Variants in OSBPL9 observed in about 807,000 individuals in gnomAD.
OSBPL9 encodes the protein oxysterol-binding protein-related protein 9.
In OSBPL9, 40 loss-of-function variants were observed where a neutral mutation model predicts 106.6. The ratio of observed to expected loss-of-function variants is 0.38; its 90% CI spans 0.29 to 0.49. The LOEUF is 0.49. OSBPL9 is among the 20% of genes least tolerant of loss of function. OSBPL9 has a pLI of 0.97. For synonymous variants in OSBPL9, 269 were observed against 295.4 expected (o/e 0.91, Z 0.92); for missense variants, 609 against 887.2 (o/e 0.69, Z 3.98).
intron 9 of OSBPL9, chr1:51,759,376 T>G (rs1354147416): frequency 3.3e-5 from 5 of 152,142 alleles, no homozygotes; most frequent in Non-Finnish European, 7.4e-5. Context: ...GGAAAAAAAT[T>G]TTTAACTTAG....
chr1:51,557,238 G>C, the OSBPL9 span, among the ~76,000 whole-genome samples: 1 of 152,158 alleles, frequency 6.6e-6, no homozygotes, highest in Non-Finnish European at 1.5e-5. Context: ...CCAAGAGAAA[G>C]ACAAGTGATA....
intron 1 of OSBPL9, among the ~76,000 whole-genome samples, chr1:51,579,425 A>G (rs1645206484): frequency 6.6e-6 from 1 of 152,236 alleles, no homozygotes; most frequent in African/African-American, 2.4e-5. Context: ...AGCCTCAGAC[A>G]GATTAGATCC....
intron 4 of OSBPL9, among the ~76,000 whole-genome samples, chr1:51,737,434 G>T (rs1458184915): frequency 2.0e-5 from 3 of 151,916 alleles, no homozygotes; most frequent in Non-Finnish European, 4.4e-5. Flanking sequence ...ACATGAATGT[G>T]TAAAATAAAA....
At chr1:51,633,528 C>T (rs1356377414) in intron 1 of OSBPL9, among the ~76,000 whole-genome samples, 1 of 151,730 alleles carries the variant, frequency 6.6e-6, no homozygotes, top group Admixed American at 6.6e-5. Flanking sequence ...GAAGTAGAGG[C>T]TGCAGTGAGC....
At chr1:51,585,175 T>TAA (rs11381242) in intron 1 of OSBPL9, among the ~76,000 whole-genome samples, 1,985 of 140,996 alleles carry the variant, frequency 0.014, 148 homozygotes, top group Admixed American at 0.12. Context: ...CCCCATCTCT[T>TAA]AAAAAAAAAA....
intron 12 of OSBPL9, among the ~76,000 whole-genome samples, chr1:51,770,381 G>C (rs1351312483): frequency 6.6e-6 from 1 of 152,046 alleles, no homozygotes; most frequent in East Asian, 1.9e-4. Context: ...CACCTCAAGT[G>C]ATCTGCCCAC....
chr1:51,713,985 T>C lies in OSBPL9; in HGVS notation c.242-18T>C. 6.3e-7 allele frequency: 1 copy of C among 1,581,082 alleles called. No homozygotes were observed. Among genetic ancestry groups the C allele is most frequent in the Non-Finnish European group, 8.6e-7 (1 of 1,159,750 alleles). The stretch of plus-strand genomic sequence containing the variant: ...TAGAATTAAACTTTTAATTTTAATG[T>C]ATAATCTTTTATTCCAGCCCGTGAT... On this transcript the variant is annotated intron_variant, in intron 3 of 23. Transcript: ENST00000428468.
chr1:51,648,644 A>T (rs532789490), intron 1 of OSBPL9, among the ~76,000 whole-genome samples: 3 of 152,288 alleles, frequency 2.0e-5, no homozygotes, highest in African/African-American at 7.2e-5. Context: ...GGATAATTTG[A>T]TGCTATTACA....
At chr1:51,713,861 A>G in intron 3 of OSBPL9, 142 bp from the exon 4 acceptor site, 1 of 584,330 alleles carries the variant, frequency 1.7e-6, no homozygotes, top group South Asian at 3.0e-5. Context: ...AAATATTAAT[A>G]GATCAAGCTG....
At chr1:51,664,953 A>C (rs925812068) in intron 2 of OSBPL9, among the ~76,000 whole-genome samples, 1 of 152,236 alleles carries the variant, frequency 6.6e-6, no homozygotes, top group Admixed American at 6.5e-5. Flanking sequence ...TCAGTTCAAT[A>C]GCTGGCAGCA....
At chr1:51,702,823 A>G (rs888247900) in intron 3 of OSBPL9, among the ~76,000 whole-genome samples, 3 of 152,160 alleles carry the variant, frequency 2.0e-5, no homozygotes, top group Non-Finnish European at 4.4e-5. Flanking sequence ...TTTTTGTATA[A>G]GGTGTAAGGA....
chr1:51,580,269 C>T (rs961508896), intron 1 of OSBPL9, among the ~76,000 whole-genome samples: 1 of 152,164 alleles, frequency 6.6e-6, no homozygotes, highest in Non-Finnish European at 1.5e-5. Flanking sequence ...CTGAGTGAAT[C>T]ACTTTTCTGA....
At chr1:51,530,763 C>T in the OSBPL9 span, among the ~76,000 whole-genome samples, 1 of 151,922 alleles carries the variant, frequency 6.6e-6, no homozygotes, top group Non-Finnish European at 1.5e-5. Context: ...TTTGGGAGGC[C>T]GAGGCAGGCA....
Position 51,778,731 on chromosome 1 carries a change from C to T in OSBPL9, c.1256+1813C>T, listed in dbSNP as rs1016975000. On this transcript the variant is annotated intron_variant, in intron 15 of 23. Transcript: ENST00000428468. ...AGCCTCTGCCTTCACCACCTCCCCG[C>T]CCCCCCAAAAAATCAGGAAGGCTAT... is the stretch of plus-strand genomic sequence containing the variant. Among the ~76,000 whole-genome samples the T allele has an allele frequency of 5.3e-5, 8 of 151,934 alleles. No homozygotes were observed. In the South Asian group the frequency reaches 1.5e-3, roughly 28 times the overall value.
intron 4 of OSBPL9, among the ~76,000 whole-genome samples, chr1:51,731,592 C>T (rs1314191909): frequency 1.3e-5 from 2 of 152,098 alleles, no homozygotes; most frequent in Non-Finnish European, 2.9e-5. Context: ...GACTGGCCAA[C>T]ATGGTGAAAC....
chr1:51,518,680 G>C, the OSBPL9 span, among the ~76,000 whole-genome samples: 10 of 152,298 alleles, frequency 6.6e-5, no homozygotes, highest in East Asian at 1.9e-3. Context: ...CAGGTCTGGA[G>C]AGGAAAGACT....
upstream of OSBPL9, among the ~76,000 whole-genome samples, chr1:51,574,568 G>A (rs1570523250): frequency 1.3e-5 from 2 of 152,080 alleles, no homozygotes; most frequent in Non-Finnish European, 2.9e-5. Flanking sequence ...GCAGTGAGCC[G>A]AGAATGCACC....
At chr1:51,719,951 C>T (rs1231578007) in intron 4 of OSBPL9, among the ~76,000 whole-genome samples, 2 of 152,184 alleles carry the variant, frequency 1.3e-5, no homozygotes, top group Non-Finnish European at 2.9e-5. Flanking sequence ...CTATGACATA[C>T]GTACACTACC....
intron 3 of OSBPL9, among the ~76,000 whole-genome samples, chr1:51,698,421 G>C (rs1656535593): frequency 6.6e-6 from 1 of 152,098 alleles, no homozygotes; most frequent in African/African-American, 2.4e-5. Flanking sequence ...CATATAATAA[G>C]AGCAAGCACT....
Sources: allele counts gnomAD v4.1 joint callset (sites outside exome capture counted in the v4.1 genomes callset), GRCh38; gene constraint gnomAD v4.1.1; transcripts MANE v1.5; gene names NCBI Gene and HGNC (gene_info 2026-07-23, HGNC 2026-07-21).